The following CDH4 variants were observed in gnomAD, a reference collection of about 807,000 sequenced individuals.
CDH4 encodes cadherin 4, also known as cadherin-4.
In CDH4, 33 loss-of-function variants were observed where a neutral mutation model predicts 86.0. That is an observed-to-expected ratio of 0.38 (90% CI 0.29 to 0.51). The LOEUF (loss-of-function observed/expected upper bound fraction) is 0.51. Ranked by LOEUF, CDH4 falls within the 20% of genes least tolerant of loss-of-function variation. CDH4 has a pLI of 0.86. For missense variants in CDH4, 1,114 were observed against 1,307.4 expected (o/e 0.85, Z 2.28); for synonymous variants, 555 against 549.4 (o/e 1.01, Z -0.14).
At chr20:61,621,151 AT>A (rs1269013313) in intron 2 of CDH4, among the ~76,000 whole-genome samples, 1 of 152,206 alleles carries the variant, frequency 6.6e-6, no homozygotes, top group East Asian at 1.9e-4. Context: ...GTGAACTGAG[AT>A]TTCTGTAGAA....
At chr20:61,439,126 TG>T (rs2085301022) in intron 2 of CDH4, among the ~76,000 whole-genome samples, 1 of 152,218 alleles carries the variant, frequency 6.6e-6, no homozygotes, top group Admixed American at 6.5e-5. Context: ...AAAAATAGTT[TG>T]ATTTTTTGTC....
chr20:61,452,105 G>A (rs917144789), intron 2 of CDH4, among the ~76,000 whole-genome samples: 1 of 152,166 alleles, frequency 6.6e-6, no homozygotes, highest in African/African-American at 2.4e-5. Context: ...CTCAGCCTGT[G>A]CTTGGGCTCC....
chr20:61,735,213 G>T (rs1295213547), intron 2 of CDH4, among the ~76,000 whole-genome samples: 1 of 152,202 alleles, frequency 6.6e-6, no homozygotes, highest in Non-Finnish European at 1.5e-5. Flanking sequence ...CGTGGGCACA[G>T]AGCTCAGGAG....
chr20:61,934,314 G>A (rs752740951), intron 15 of CDH4, 94 bp downstream of exon 15: 133 of 1,357,942 alleles, frequency 9.8e-5, no homozygotes, highest in South Asian at 1.7e-4. Flanking sequence ...CCACAGTGCC[G>A]GCGGCTGCCG....
intron 2 of CDH4, among the ~76,000 whole-genome samples, chr20:61,554,926 T>C (rs187881132): frequency 6.6e-6 from 1 of 152,338 alleles, no homozygotes; most frequent in African/African-American, 2.4e-5. Flanking sequence ...TGTGTGCTCG[T>C]GTGTGCATGC....
intron 7 of CDH4, among the ~76,000 whole-genome samples, chr20:61,874,874 G>T (rs560462261): frequency 6.6e-6 from 1 of 152,232 alleles, no homozygotes; most frequent in African/African-American, 2.4e-5. Context: ...CCCTGCCCGC[G>T]GGAGGCTTGT....
intron 2 of CDH4, among the ~76,000 whole-genome samples, chr20:61,575,553 A>T (rs1321605613): frequency 6.6e-6 from 1 of 152,254 alleles, no homozygotes; most frequent in Non-Finnish European, 1.5e-5. Context: ...GGCAATGGAG[A>T]GAAGGGATCA....
intron 2 of CDH4, among the ~76,000 whole-genome samples, chr20:61,420,103 G>C (rs1365344624): frequency 6.6e-6 from 1 of 152,204 alleles, no homozygotes; most frequent in Non-Finnish European, 1.5e-5. Flanking sequence ...GGGGCACTAG[G>C]CACTCACCTG....
chr20:61,468,423 G>A (rs1485362181), intron 2 of CDH4, among the ~76,000 whole-genome samples: 1 of 151,600 alleles, frequency 6.6e-6, no homozygotes, highest in Non-Finnish European at 1.5e-5. Context: ...TATTTTTCTG[G>A]ATACATAGAA....
chr20:61,922,826 G>A (rs2054996320), intron 9 of CDH4, among the ~76,000 whole-genome samples: 1 of 152,214 alleles, frequency 6.6e-6, no homozygotes, highest in Non-Finnish European at 1.5e-5. Flanking sequence ...TGTGATCACA[G>A]TGCACCACAG....
intron 4 of CDH4, among the ~76,000 whole-genome samples, chr20:61,776,989 G>T (rs543803692): frequency 6.6e-6 from 1 of 152,320 alleles, no homozygotes; most frequent in Admixed American, 6.5e-5. Context: ...CCTCCCTGAT[G>T]AACCCACTGT....
chr20:61,491,976 A>G (rs2085628276), intron 2 of CDH4, among the ~76,000 whole-genome samples: 1 of 150,224 alleles, frequency 6.7e-6, no homozygotes, highest in African/African-American at 2.5e-5. Context: ...AAGTGGTGTC[A>G]GTATTGTTGA....
At chr20:61,897,127 G>A (rs1350761499) in intron 8 of CDH4, among the ~76,000 whole-genome samples, 1 of 152,216 alleles carries the variant, frequency 6.6e-6, no homozygotes, top group African/African-American at 2.4e-5. Context: ...TTGCAGGGGA[G>A]AATTCCTGCC....
intron 2 of CDH4, chr20:61,437,154 G>GA (rs1348967847): frequency 6.6e-6 from 1 of 152,246 alleles, no homozygotes; most frequent in African/African-American, 2.4e-5. Flanking sequence ...AGAGCAGCAG[G>GA]AAGGGCTCAG....
chr20:61,739,628 C>T lies in CDH4; in HGVS notation c.170-3935C>T, dbSNP rs534161875. On this transcript the variant is annotated intron_variant, in intron 2 of 15. Transcript: ENST00000614565. ...TGTCCAGTCTGCAGAGTCCAGAGTG[C>T]GGGTCCTGGATGGGGCTGAGGCACC... Among the ~76,000 whole-genome samples the T allele has an allele frequency of 4.6e-5, 7 of 152,332 alleles. No individual in the cohort carries two copies. The East Asian group carries it at 9.6e-4, about 21-fold the overall frequency.
chr20:61,868,334 G>A (rs1983640848), intron 6 of CDH4, among the ~76,000 whole-genome samples: 1 of 152,170 alleles, frequency 6.6e-6, no homozygotes, highest in Admixed American at 6.5e-5. Flanking sequence ...ACAGCTGTAG[G>A]CCTGAGCAGG....
chr20:61,350,062 C>T (rs1485889213), intron 2 of CDH4, among the ~76,000 whole-genome samples: 4 of 152,054 alleles, frequency 2.6e-5, no homozygotes, highest in Admixed American at 1.3e-4. Context: ...ACAAGGCCAG[C>T]GGAATACCTC....
chr20:61,858,362 CGT>C (rs1414447079), intron 6 of CDH4, among the ~76,000 whole-genome samples: 1 of 46,280 alleles, frequency 2.2e-5, no homozygotes, highest in African/African-American at 7.4e-5. Context: ...TCTCTCTGTG[CGT>C]GTCTCTGTGT....
intron 2 of CDH4, among the ~76,000 whole-genome samples, chr20:61,665,198 C>T (rs562002679): frequency 1.3e-5 from 2 of 152,342 alleles, no homozygotes; most frequent in East Asian, 3.9e-4. Flanking sequence ...CTTGGTCACA[C>T]ATCACAGACG....
Sources: gnomAD v4.1 joint callset for allele counts (sites outside exome capture counted in the v4.1 genomes callset) on GRCh38, gnomAD v4.1.1 for gene constraint, MANE v1.5 for transcripts, NCBI Gene and HGNC (gene_info 2026-07-23, HGNC 2026-07-21) for gene names.